The following PREP variants were observed in gnomAD, a reference collection of about 807,000 sequenced individuals.
PREP encodes prolyl endopeptidase.
A neutral mutation model predicts 87.6 loss-of-function variants in PREP; 29 were observed. The ratio of observed to expected loss-of-function variants is 0.33; its 90% CI spans 0.25 to 0.45. The LOEUF (loss-of-function observed/expected upper bound fraction) is 0.45, where lower values mean the gene tolerates loss of function less well. Among genes scored for constraint, PREP ranks in the 20% least tolerant of loss-of-function variants. PREP has a pLI of 1.00. For synonymous variants in PREP, 337 were observed against 328.6 expected (o/e 1.03, Z -0.28); for missense variants, 695 against 886.5 (o/e 0.78, Z 2.74).
At chr6:105,347,738 C>A (rs1771835232) in intron 7 of PREP, among the ~76,000 whole-genome samples, 1 of 151,992 alleles carries the variant, frequency 6.6e-6, no homozygotes, top group African/African-American at 2.4e-5. Context: ...TAAGGCCAGA[C>A]ACAGTGGCTC....
intron 6 of PREP, among the ~76,000 whole-genome samples, chr6:105,361,774 CACTT>C (rs1162219790): frequency 1.3e-5 from 2 of 152,060 alleles, no homozygotes; most frequent in African/African-American, 4.8e-5. Flanking sequence ...ATTTTTCTAA[CACTT>C]AGGAAAACTT....
chr6:105,403,077 G>A lies in PREP; in HGVS notation c.-186C>T. On this transcript the variant is annotated 5_prime_UTR_variant, in exon 1 of 15. Transcript: ENST00000652536. ...GGCGGCGCGGCGGCGAGGACGTGCA[G>A]AAAGCAGGAAGCCGCTGTCTGCGAG... is the stretch of plus-strand genomic sequence containing the variant. 3.7e-6 allele frequency: 1 copy of A among 267,586 alleles called. No individual in the cohort carries two copies. The allele number at this position is 267,586 out of a possible 1,614,324, so 16.6% of individuals were successfully genotyped here.
chr6:105,366,641 C>T (rs900916708), intron 6 of PREP, among the ~76,000 whole-genome samples: 5 of 152,232 alleles, frequency 3.3e-5, no homozygotes, highest in African/African-American at 1.2e-4. Flanking sequence ...TAAACACTAG[C>T]TGCTCACAGC....
chr6:105,337,629 T>C (rs1771515074), intron 7 of PREP, among the ~76,000 whole-genome samples: 1 of 152,162 alleles, frequency 6.6e-6, no homozygotes, highest in Non-Finnish European at 1.5e-5. Flanking sequence ...TTTTCCTCTT[T>C]CCCCAGCAGA....
At chr6:105,342,079 A>C (rs997593490) in intron 7 of PREP, among the ~76,000 whole-genome samples, 27 of 152,250 alleles carry the variant, frequency 1.8e-4, no homozygotes, top group South Asian at 4.1e-4. Context: ...GAGACACAAC[A>C]AAAAAAGAGA....
chr6:105,333,096 T>C (rs1771380051), intron 8 of PREP, among the ~76,000 whole-genome samples: 1 of 152,230 alleles, frequency 6.6e-6, no homozygotes, highest in Admixed American at 6.5e-5. Context: ...CTTTACAATT[T>C]TTATGAAGAC....
At chr6:105,373,270 A>G in intron 5 of PREP, 99 bp downstream of exon 5, 1 of 1,308,746 alleles carries the variant, frequency 7.6e-7, no homozygotes. Context: ...ATGGTTCTGG[A>G]CCACACAACC....
intron 10 of PREP, among the ~76,000 whole-genome samples, chr6:105,299,556 G>A (rs564996592): frequency 1.5e-3 from 235 of 152,140 alleles, no homozygotes; most frequent in Non-Finnish European, 2.7e-3. Flanking sequence ...CCGAGATTGC[G>A]TCATTACACT....
intron 7 of PREP, among the ~76,000 whole-genome samples, chr6:105,340,557 T>C (rs1015545119): frequency 2.0e-5 from 3 of 152,168 alleles, no homozygotes; most frequent in Non-Finnish European, 4.4e-5. Context: ...ACCTTAAATG[T>C]AAATGGGCTA....
At chr6:105,293,419 CA>C (rs1475175192) in intron 10 of PREP, among the ~76,000 whole-genome samples, 2 of 152,032 alleles carry the variant, frequency 1.3e-5, no homozygotes, top group Non-Finnish European at 2.9e-5. Flanking sequence ...AAAACAATTA[CA>C]ATAGTAACAT....
At chr6:105,381,971 T>C (rs902342515) in intron 2 of PREP, among the ~76,000 whole-genome samples, 1 of 152,172 alleles carries the variant, frequency 6.6e-6, no homozygotes, top group African/African-American at 2.4e-5. Context: ...TCCTAATGTC[T>C]TCAGAAAATT....
At chr6:105,358,511 G>A (rs750204628) in intron 6 of PREP, among the ~76,000 whole-genome samples, 6 of 152,034 alleles carry the variant, frequency 3.9e-5, no homozygotes, top group Non-Finnish European at 7.4e-5. Flanking sequence ...TTCTACAGAT[G>A]GGCTAAATAA....
At chr6:105,288,520 A>G (rs565205538) in intron 11 of PREP, among the ~76,000 whole-genome samples, 2 of 152,174 alleles carry the variant, frequency 1.3e-5, no homozygotes, top group Admixed American at 1.3e-4. Context: ...CGTCCAGCTA[A>G]TATTTTTCGT....
chr6:105,403,053 G>GCACAAA lies in PREP; in HGVS notation c.-163_-162insTTTGTG. The GCACAAA allele has an allele frequency of 3.5e-6, 1 of 285,222 alleles. No individual in the cohort carries two copies. The highest frequency in any genetic ancestry group is 6.4e-6 in the Non-Finnish European group (1 of 155,162). The allele number at this position is 285,222 out of a possible 1,614,324, so 17.7% of individuals were successfully genotyped here. On this transcript the variant is annotated 5_prime_UTR_variant, in exon 1 of 15. Transcript: ENST00000652536. The stretch of plus-strand genomic sequence containing the variant: ...GGCCAGAGCTAGCACAAACGGACTG[G>GCACAAA]CGGCGCGGCGGCGAGGACGTGCAGA...
At chr6:105,388,755 G>A (rs1378131969) in intron 2 of PREP, among the ~76,000 whole-genome samples, 4 of 152,166 alleles carry the variant, frequency 2.6e-5, no homozygotes, top group Non-Finnish European at 5.9e-5. Context: ...CATTTCCCAC[G>A]TCTACTACAG....
rs766807721 is a variant in PREP, at chr6:105,278,134, C to T, written c.*10G>A. ...TTTCTGTCGCTGTCAGGAGGAAGCA[C>T]GAAAACTGTTTATGGAATCCAGTCG... is the stretch of plus-strand genomic sequence containing the variant. On this transcript the variant is annotated 3_prime_UTR_variant, in exon 15 of 15. Transcript: ENST00000652536. This position sits in a 1 kb window ranked among gnomAD's most constrained non-coding sequence, Gnocchi z 4.2. The T allele has an allele frequency of 1.3e-5, 20 of 1,598,984 alleles. No individual in the cohort carries two copies. In the East Asian group the frequency reaches 1.8e-4, roughly 14 times the overall value.
At chr6:105,303,615 A>G (rs1770591820) in intron 10 of PREP, among the ~76,000 whole-genome samples, 1 of 152,218 alleles carries the variant, frequency 6.6e-6, no homozygotes, top group African/African-American at 2.4e-5. Context: ...CATCTCAGGC[A>G]GGTTCATCCT....
chr6:105,339,438 G>A (rs1771574239), intron 7 of PREP, among the ~76,000 whole-genome samples: 1 of 152,166 alleles, frequency 6.6e-6, no homozygotes, highest in African/African-American at 2.4e-5. Flanking sequence ...AGAAACCAGA[G>A]CAGAAAAGCT....
At chr6:105,327,869 T>C (rs556257227) in intron 9 of PREP, among the ~76,000 whole-genome samples, 10 of 152,202 alleles carry the variant, frequency 6.6e-5, no homozygotes, top group Admixed American at 3.3e-4. Context: ...AGTGTGTGTA[T>C]GGCCATGACG....
Sources: gnomAD v4.1 joint callset for allele counts (sites outside exome capture counted in the v4.1 genomes callset) on GRCh38, gnomAD v4.1.1 for gene constraint, Gnocchi (gnomAD v3.1) non-coding constraint, MANE v1.5 for transcripts, NCBI Gene and HGNC (gene_info 2026-07-23, HGNC 2026-07-21) for gene names.